The following CCDC171 variants were observed in gnomAD, a reference collection of about 807,000 sequenced individuals.
The protein encoded by CCDC171 is coiled-coil domain containing 171, also known as coiled-coil domain-containing protein 171.
CCDC171 carries 177 observed loss-of-function variants against 168.2 expected under a neutral mutation model. The ratio of observed to expected loss-of-function variants is 1.05; its 90% CI spans 0.93 to 1.19. The LOEUF is 1.19. CCDC171 is among the 50% of genes most tolerant of loss of function. The probability of loss-of-function intolerance (pLI) is 0.00; values close to 1 mark genes in which losing one functional copy is unlikely to be tolerated. For synonymous variants in CCDC171, 687 were observed against 540.8 expected (o/e 1.27, Z -3.75); for missense variants, 1,991 against 1,539.0 (o/e 1.29, Z -4.91).
At chr9:15,687,622 A>G (rs2050490759) in intron 10 of CCDC171, among the ~76,000 whole-genome samples, 2 of 152,204 alleles carry the variant, frequency 1.3e-5, no homozygotes, top group Non-Finnish European at 2.9e-5. Context: ...AGATAACTCA[A>G]TTGATAACTT....
At chr9:15,651,703 A>G (rs1325889902) in intron 7 of CCDC171, among the ~76,000 whole-genome samples, 2 of 152,074 alleles carry the variant, frequency 1.3e-5, no homozygotes, top group Non-Finnish European at 2.9e-5. Flanking sequence ...TTTATGGCCA[A>G]GTAGTATTCC....
At chr9:15,958,326 A>G (rs933836806) in intron 25 of CCDC171, among the ~76,000 whole-genome samples, 1 of 152,094 alleles carries the variant, frequency 6.6e-6, no homozygotes, top group African/African-American at 2.4e-5. Flanking sequence ...GGCACTTGGA[A>G]TGTGGTTAGT....
chr9:15,745,492 A>G (rs1351534392), intron 17 of CCDC171, 23 bp from the exon 18 acceptor site: 2 of 1,408,728 alleles, frequency 1.4e-6, no homozygotes, highest in South Asian at 1.3e-5. Context: ...AGAATTTTAC[A>G]ATGGATTTTT....
chr9:16,001,306 T>C (rs1303482805), intron 3 of CCDC171, among the ~76,000 whole-genome samples: 1 of 152,176 alleles, frequency 6.6e-6, no homozygotes, highest in Non-Finnish European at 1.5e-5. Flanking sequence ...AGCCTCTCTC[T>C]CTTGAAGAAA....
At chr9:15,686,607 G>A (rs1381779984) in intron 10 of CCDC171, among the ~76,000 whole-genome samples, 1 of 152,054 alleles carries the variant, frequency 6.6e-6, no homozygotes, top group Non-Finnish European at 1.5e-5. Context: ...AAAAACTGGA[G>A]TGGATATACT....
intron 9 of CCDC171, among the ~76,000 whole-genome samples, chr9:15,676,289 G>A (rs571826024): frequency 5.9e-5 from 9 of 152,186 alleles, no homozygotes; most frequent in African/African-American, 1.9e-4. Flanking sequence ...CTTTTTGCAA[G>A]GTTTTTAGCT....
intron 25 of CCDC171, among the ~76,000 whole-genome samples, chr9:15,971,270 G>C (rs931473604): frequency 2.0e-5 from 3 of 151,882 alleles, no homozygotes; most frequent in Non-Finnish European, 4.4e-5. Context: ...TATTAGCATC[G>C]GTTTCTGTAA....
the CCDC171 span, among the ~76,000 whole-genome samples, chr9:16,069,579 T>C: frequency 3.9e-5 from 6 of 152,242 alleles, no homozygotes; most frequent in African/African-American, 9.6e-5. Context: ...GAGAAGCAGC[T>C]CTGGTCAGGG....
intron 3 of CCDC171, among the ~76,000 whole-genome samples, chr9:15,984,943 G>C (rs749958417): frequency 3.9e-5 from 6 of 152,016 alleles, no homozygotes; most frequent in African/African-American, 1.4e-4. Flanking sequence ...CTATATGAAA[G>C]TTTTGATGTA....
chr9:15,993,137 ATC>A (rs1832254191), intron 3 of CCDC171, among the ~76,000 whole-genome samples: 1 of 151,156 alleles, frequency 6.6e-6, no homozygotes, highest in South Asian at 2.1e-4. Context: ...TCATTGCCAA[ATC>A]AATCCTAAGC....
intron 7 of CCDC171, among the ~76,000 whole-genome samples, chr9:15,631,443 A>G (rs892622917): frequency 2.0e-5 from 3 of 152,224 alleles, no homozygotes; most frequent in Non-Finnish European, 4.4e-5. Context: ...AGATTCTTGG[A>G]CACATACACC....
chr9:16,096,950 G>A, the CCDC171 span, among the ~76,000 whole-genome samples: 2 of 152,164 alleles, frequency 1.3e-5, no homozygotes, highest in South Asian at 2.1e-4. Context: ...AAGTCTCCCT[G>A]ATACCAAAGG....
the CCDC171 span, among the ~76,000 whole-genome samples, chr9:16,106,434 T>C: frequency 2.0e-5 from 3 of 152,172 alleles, no homozygotes; most frequent in East Asian, 1.9e-4. Context: ...GAAGCCACCT[T>C]CTGCCTCTCC....
intron 8 of CCDC171, among the ~76,000 whole-genome samples, chr9:16,036,630 C>G (rs781411546): frequency 7.2e-5 from 11 of 152,158 alleles, no homozygotes; most frequent in Non-Finnish European, 1.5e-4. Context: ...GGCCACAGAG[C>G]GAGACTCCGT....
At chr9:15,843,093 TG>T (rs1214113054) in intron 21 of CCDC171, among the ~76,000 whole-genome samples, 1 of 152,018 alleles carries the variant, frequency 6.6e-6, no homozygotes, top group Non-Finnish European at 1.5e-5. Flanking sequence ...AACAATCAAA[TG>T]TAAGTATTTT....
intron 25 of CCDC171, among the ~76,000 whole-genome samples, chr9:15,964,086 A>G (rs563080980): frequency 6.6e-6 from 1 of 152,338 alleles, no homozygotes; most frequent in African/African-American, 2.4e-5. Flanking sequence ...GTGGAGCCCA[A>G]GATAGAAGCA....
In CCDC171 at chr9:15,705,120, A is replaced by ACACACACACT. The variant is rs1462439068; in HGVS notation, c.1318+9784_1318+9785insACACACACTC. ...CACACACACACACACACACACACAC[A>ACACACACACT]CTCTCACTCACTCAGATAACTAAGT... is the stretch of plus-strand genomic sequence containing the variant. On this transcript the variant is annotated intron_variant, in intron 11 of 25. Coordinates refer to ENST00000380701, the MANE Select transcript of CCDC171 (RefSeq NM_173550.4). 2.2e-3 allele frequency among the ~76,000 whole-genome samples: 324 copies of ACACACACACT among 149,892 alleles called. 1 individual carries two copies. Among genetic ancestry groups the ACACACACACT allele is most frequent in the African/African-American group, 7.6e-3 (310 of 40,768 alleles).
chr9:15,612,028 A>G (rs2043732357), intron 6 of CCDC171, among the ~76,000 whole-genome samples: 1 of 152,250 alleles, frequency 6.6e-6, no homozygotes, highest in African/African-American at 2.4e-5. Context: ...ATGTTAGGAC[A>G]CAGATAGAAA....
At chr9:15,879,062 T>C (rs952566051) in intron 24 of CCDC171, among the ~76,000 whole-genome samples, 3 of 152,070 alleles carry the variant, frequency 2.0e-5, no homozygotes, top group Non-Finnish European at 4.4e-5. Flanking sequence ...CAACAAACCA[T>C]TGTGACATGA....
Sources: allele counts gnomAD v4.1 joint callset (sites outside exome capture counted in the v4.1 genomes callset), GRCh38; gene constraint gnomAD v4.1.1; transcripts MANE v1.5; gene names NCBI Gene and HGNC (gene_info 2026-07-23, HGNC 2026-07-21).